Variants in LGR4 observed in about 807,000 individuals in gnomAD.
LGR4 encodes leucine-rich repeat-containing G protein-coupled receptor 4.
In LGR4, 44 loss-of-function variants were observed where a neutral mutation model predicts 84.8. That is an observed-to-expected ratio of 0.52 (90% CI 0.41 to 0.67). The LOEUF is 0.67. LGR4 is among the 30% of genes least tolerant of loss of function. The probability of loss-of-function intolerance (pLI) is 0.00; values close to 1 mark genes in which losing one functional copy is unlikely to be tolerated. For synonymous variants in LGR4, 429 were observed against 434.3 expected, an observed-to-expected ratio of 0.99 and a Z score of 0.15; for missense variants, 1,032 against 1,131.4, an observed-to-expected ratio of 0.91 and a Z score of 1.26.
intron 1 of LGR4, among the ~76,000 whole-genome samples, chr11:27,424,937 G>T (rs754459163): frequency 6.6e-6 from 1 of 152,018 alleles, no homozygotes; most frequent in Admixed American, 6.6e-5. Flanking sequence ...TAGTAGAGAC[G>T]GGGTTTCACC....
At chr11:27,459,668 G>A (rs1195132370) in intron 1 of LGR4, among the ~76,000 whole-genome samples, 2 of 151,728 alleles carry the variant, frequency 1.3e-5, no homozygotes, top group Non-Finnish European at 2.9e-5. Context: ...GTAGAGACGG[G>A]GTTTCACCAT....
At chr11:27,397,532 C>T (rs1415590380) in intron 2 of LGR4, among the ~76,000 whole-genome samples, 1 of 152,196 alleles carries the variant, frequency 6.6e-6, no homozygotes, top group Non-Finnish European at 1.5e-5. Context: ...GCTAATATTA[C>T]TACTAAAAGG....
chr11:27,404,969 T>G (rs925752510), intron 2 of LGR4, among the ~76,000 whole-genome samples: 3 of 152,152 alleles, frequency 2.0e-5, no homozygotes, highest in Admixed American at 1.3e-4. Context: ...TAGTTCTATC[T>G]ACATGCAACA....
intron 7 of LGR4, 125 bp from the exon 8 acceptor site, chr11:27,381,091 A>G: frequency 1.8e-6 from 1 of 560,592 alleles, no homozygotes; most frequent in Middle Eastern, 2.9e-4. Context: ...AATTTTCAAA[A>G]GCATAGGAAA....
intron 1 of LGR4, among the ~76,000 whole-genome samples, chr11:27,456,949 T>A (rs1864585814): frequency 6.6e-6 from 1 of 152,172 alleles, no homozygotes; most frequent in Non-Finnish European, 1.5e-5. Context: ...TGTTCTGATT[T>A]TTTTTTCCTG....
chr11:27,448,493 T>C (rs755341714), intron 1 of LGR4, among the ~76,000 whole-genome samples: 4 of 152,122 alleles, frequency 2.6e-5, no homozygotes, highest in Non-Finnish European at 4.4e-5. Flanking sequence ...GGTTTCTCCA[T>C]GTTGGTCAGG....
At chr11:27,370,724 C>T (rs547731079) in intron 17 of LGR4, among the ~76,000 whole-genome samples, 2 of 152,150 alleles carry the variant, frequency 1.3e-5, no homozygotes, top group East Asian at 1.9e-4. Context: ...GTCCAGCCCC[C>T]CCTTTAATAA....
At chr11:27,426,687 T>C (rs1864029581) in intron 1 of LGR4, among the ~76,000 whole-genome samples, 1 of 152,210 alleles carries the variant, frequency 6.6e-6, no homozygotes. Context: ...TCAGTTATTA[T>C]TATTTTTCTG....
intron 1 of LGR4, among the ~76,000 whole-genome samples, chr11:27,458,543 T>C (rs1474260478): frequency 1.3e-5 from 2 of 151,628 alleles, no homozygotes; most frequent in African/African-American, 4.8e-5. Context: ...TTTTTTTAAG[T>C]ATTTTTTTTT....
intron 16 of LGR4, 29 bp from the exon 17 acceptor site, chr11:27,371,727 T>C: frequency 6.6e-7 from 1 of 1,521,096 alleles, no homozygotes; most frequent in Non-Finnish European, 9.1e-7. Context: ...GCATGTTTAA[T>C]TAAAACCTTA....
chr11:27,380,187 A>C (rs1863063873), intron 10 of LGR4, 84 bp downstream of exon 10: 1 of 780,434 alleles, frequency 1.3e-6, no homozygotes, highest in Non-Finnish European at 2.1e-6. Context: ...TAAACCCATC[A>C]TTGTCACTAA....
chr11:27,467,350 G>C (rs922459515), intron 1 of LGR4, among the ~76,000 whole-genome samples: 1 of 151,910 alleles, frequency 6.6e-6, no homozygotes, highest in Non-Finnish European at 1.5e-5. Flanking sequence ...GGAGGACCAC[G>C]AGGTCAGGAA....
chr11:27,448,058 G>A (rs933148805), intron 1 of LGR4, among the ~76,000 whole-genome samples: 1 of 152,100 alleles, frequency 6.6e-6, no homozygotes, highest in African/African-American at 2.4e-5. Context: ...CTGTAGCACT[G>A]TAAGAGTCAA....
chr11:27,385,527 A>ACT, intron 4 of LGR4, 59 bp from the exon 5 acceptor site: 1 of 1,086,990 alleles, frequency 9.2e-7, no homozygotes, highest in Non-Finnish European at 1.3e-6. Context: ...GAGTCAGTTC[A>ACT]AGTCTCACAA....
intron 13 of LGR4, 97 bp from the exon 14 acceptor site, chr11:27,374,143 T>A (rs1454445330): frequency 2.6e-6 from 2 of 783,346 alleles, no homozygotes; most frequent in Non-Finnish European, 4.5e-6. Flanking sequence ...TAACACAATA[T>A]CGCTGATAAG....
At chr11:27,419,555 C>A (rs1318867284) in intron 1 of LGR4, among the ~76,000 whole-genome samples, 1 of 142,768 alleles carries the variant, frequency 7.0e-6, no homozygotes, top group East Asian at 2.0e-4. Context: ...CCCAGCAATC[C>A]TAGACATAAA....
intron 2 of LGR4, among the ~76,000 whole-genome samples, chr11:27,408,459 T>C (rs1863652542): frequency 1.3e-5 from 2 of 152,148 alleles, no homozygotes; most frequent in African/African-American, 4.8e-5. Flanking sequence ...TGTTGCCACA[T>C]CAAAGTAACA....
At chr11:27,407,331 C>T (rs914682667) in intron 2 of LGR4, among the ~76,000 whole-genome samples, 3 of 152,050 alleles carry the variant, frequency 2.0e-5, no homozygotes, top group African/African-American at 4.8e-5. Context: ...CAATTCTGTG[C>T]CTTTTGAGGC....
At chr11:27,381,068 A>C in intron 7 of LGR4, 102 bp from the exon 8 acceptor site, 1 of 603,564 alleles carries the variant, frequency 1.7e-6, no homozygotes, top group Non-Finnish European at 3.0e-6. Flanking sequence ...ACAACTGATA[A>C]TGACTACATG....
Sources: allele counts gnomAD v4.1 joint callset (sites outside exome capture counted in the v4.1 genomes callset), GRCh38; gene constraint gnomAD v4.1.1; transcripts MANE v1.5; gene names NCBI Gene and HGNC (gene_info 2026-07-23, HGNC 2026-07-21).